The following EGLN1 variants were observed in gnomAD, a reference collection of about 807,000 sequenced individuals.
The protein encoded by EGLN1 is egl nine homolog 1.
Under a neutral mutation model 38.3 loss-of-function variants are expected in EGLN1, and 17 were observed. The ratio of observed to expected loss-of-function variants is 0.44; its 90% CI spans 0.30 to 0.67. EGLN1 has a LOEUF of 0.67. EGLN1 is among the 30% of genes least tolerant of loss of function. The pLI, the probability that EGLN1 is intolerant of heterozygous loss-of-function variation, is 0.08. For missense variants in EGLN1, 477 were observed against 603.3 expected, an observed-to-expected ratio of 0.79 and a Z score of 2.19; for synonymous variants, 283 against 257.5, an observed-to-expected ratio of 1.10 and a Z score of -0.95.
chr1:231,387,236 T>TAC (rs148394377), intron 1 of EGLN1, among the ~76,000 whole-genome samples: 121 of 36,730 alleles, frequency 3.3e-3, no homozygotes, highest in Non-Finnish European at 4.8e-3. Flanking sequence ...TATATATGTA[T>TAC]ACACACACAC....
chr1:231,379,944 C>T (rs1237097797), intron 1 of EGLN1, among the ~76,000 whole-genome samples: 1 of 152,198 alleles, frequency 6.6e-6, no homozygotes, highest in African/African-American at 2.4e-5. Context: ...AGCACACATA[C>T]ACATCACTAT....
At chr1:231,396,754 G>C (rs1024449098) in intron 1 of EGLN1, among the ~76,000 whole-genome samples, 1 of 152,074 alleles carries the variant, frequency 6.6e-6, no homozygotes, top group African/African-American at 2.4e-5. Context: ...GTCTTCCCTG[G>C]CCTTCACATT....
intron 1 of EGLN1, among the ~76,000 whole-genome samples, chr1:231,389,905 G>A (rs1465375351): frequency 6.6e-6 from 1 of 152,168 alleles, no homozygotes; most frequent in African/African-American, 2.4e-5. Context: ...CTGAGATAGC[G>A]CCACTGTACT....
At chr1:231,411,195 C>G (rs1230168470) in intron 1 of EGLN1, among the ~76,000 whole-genome samples, 4 of 152,118 alleles carry the variant, frequency 2.6e-5, no homozygotes, top group Middle Eastern at 3.2e-3. Flanking sequence ...GACAGTTTCC[C>G]TCATGCTGTT....
intron 1 of EGLN1, among the ~76,000 whole-genome samples, chr1:231,385,757 A>G (rs988808048): frequency 3.9e-5 from 6 of 152,254 alleles, no homozygotes; most frequent in African/African-American, 1.4e-4. Flanking sequence ...TTTGTAGTAC[A>G]GCTATAAAGC....
At chr1:231,383,056 TCAAAAAAAAAAAAA>T (rs1688112301) in intron 1 of EGLN1, among the ~76,000 whole-genome samples, 1 of 21,836 alleles carries the variant, frequency 4.6e-5, no homozygotes, top group African/African-American at 1.8e-4. Context: ...AAACTCTGTC[TCAAAAAAAAAAAAA>T]AAAAAAAAAA....
chr1:231,416,508 T>C (rs973324792), intron 1 of EGLN1, among the ~76,000 whole-genome samples: 4 of 151,136 alleles, frequency 2.6e-5, no homozygotes, highest in African/African-American at 7.3e-5. Context: ...CCTGAGACCA[T>C]GGGCTCGCAC....
intron 1 of EGLN1, among the ~76,000 whole-genome samples, chr1:231,407,794 AG>A (rs1688834374): frequency 6.6e-6 from 1 of 152,122 alleles, no homozygotes; most frequent in South Asian, 2.1e-4. Context: ...AGTTAAAAAT[AG>A]TGCAAGCCAT....
At chr1:231,397,287 G>C (rs1305573355) in intron 1 of EGLN1, among the ~76,000 whole-genome samples, 4 of 152,192 alleles carry the variant, frequency 2.6e-5, no homozygotes, top group Non-Finnish European at 5.9e-5. Flanking sequence ...GGCCACTTAT[G>C]TTATTAAAAG....
Position 231,368,727 on chromosome 1 carries a change from T to A in EGLN1, c.1149-1091A>T, listed in dbSNP as rs531981664. Among the ~76,000 whole-genome samples, 533 of 152,274 alleles carry A rather than the reference T, an allele frequency of 3.5e-3. 9 individuals carry two copies. Among genetic ancestry groups the A allele is most frequent in the African/African-American group, 0.012 (486 of 41,552 alleles). ...CATTTATCAGACATACAGCCAGTAA[T>A]ATGACAGAATGAAAAATCACATAAT... On this transcript the variant is annotated intron_variant, in intron 3 of 4. Transcript: ENST00000366641.
chr1:231,374,490 C>T (rs756341277), intron 1 of EGLN1, among the ~76,000 whole-genome samples: 23 of 152,102 alleles, frequency 1.5e-4, no homozygotes, highest in Non-Finnish European at 2.5e-4. Context: ...CCAGTCAACA[C>T]CCCATCTGAC....
intron 1 of EGLN1, among the ~76,000 whole-genome samples, chr1:231,408,075 G>A (rs1366221154): frequency 6.6e-6 from 1 of 152,158 alleles, no homozygotes; most frequent in African/African-American, 2.4e-5. Context: ...AGACAGAATA[G>A]TATAAAACCT....
chr1:231,372,886 GT>G (rs1687863483), intron 2 of EGLN1, among the ~76,000 whole-genome samples: 1 of 152,030 alleles, frequency 6.6e-6, no homozygotes, highest in Admixed American at 6.6e-5. Context: ...AGAGAAAGAG[GT>G]TTTTTAAAGG....
Position 231,372,042 on chromosome 1 carries a change from C to T in EGLN1, c.1012-1344G>A, listed in dbSNP as rs529145158. Among the ~76,000 whole-genome samples, 33 of 152,322 alleles carry T rather than the reference C, an allele frequency of 2.2e-4. 1 individual carries two copies. The East Asian group carries it at 6.4e-3, about 29-fold the overall frequency. On this transcript the variant is annotated intron_variant, in intron 2 of 4. Transcript: ENST00000366641. ...TCCAAACTGAGAACATGTCTTCTTT[C>T]CTTTTTTCCTGCTCCCTTCCCTTTG...
At position 231,421,975 on chromosome 1, in the gene EGLN1, G is replaced by C; in HGVS notation, c.-87C>G. 1 of 1,300,998 alleles carries C rather than the reference G, an allele frequency of 7.7e-7. No individual in the cohort carries two copies. The highest frequency in any genetic ancestry group is 9.7e-7 in the Non-Finnish European group (1 of 1,027,234). 80.6% of individuals were successfully genotyped at this position (1,300,998 alleles called of 1,614,324 possible). The stretch of plus-strand genomic sequence containing the variant: ...GGCCTCGCCCGAGGCTGGGGAGCGG[G>C]GAGAGAGATAGGGGCCGTTACTGCG... On this transcript the variant is annotated 5_prime_UTR_variant, in exon 1 of 5. Coordinates refer to ENST00000366641, the MANE Select transcript of EGLN1 (RefSeq NM_022051.3). This position sits in a 1 kb window ranked among gnomAD's most constrained non-coding sequence, Gnocchi z 5.5.
chr1:231,383,078 A>C (rs1423914295), intron 1 of EGLN1, among the ~76,000 whole-genome samples: 4 of 149,860 alleles, frequency 2.7e-5, no homozygotes, highest in Middle Eastern at 3.2e-3. Context: ...AAAAAAAAAA[A>C]AAAAAAAAGG....
At chr1:231,389,082 AAAAG>A (rs1413611837) in intron 1 of EGLN1, among the ~76,000 whole-genome samples, 9 of 152,254 alleles carry the variant, frequency 5.9e-5, no homozygotes, top group Admixed American at 4.6e-4. Flanking sequence ...TATCACAAAT[AAAAG>A]AAAGAAGATT....
rs140735765 is a variant in EGLN1, at chr1:231,394,997, T to A, written c.892-20898A>T. ...CACCTAGGGATAGTGTTAAAATGCA[T>A]ATTCTGATTCAGGAGGTCTGGAGTG... On this transcript the variant is annotated intron_variant, in intron 1 of 4. Coordinates refer to ENST00000366641, the MANE Select transcript of EGLN1 (RefSeq NM_022051.3). Among the ~76,000 whole-genome samples the A allele has an allele frequency of 1.2e-4, 19 of 152,308 alleles. 1 individual carries two copies. The highest frequency in any genetic ancestry group is 4.6e-4 in the African/African-American group (19 of 41,566).
At chr1:231,374,530 T>TA (rs1403520488) in intron 1 of EGLN1, among the ~76,000 whole-genome samples, 1 of 151,788 alleles carries the variant, frequency 6.6e-6, no homozygotes, top group Non-Finnish European at 1.5e-5. Context: ...AATTTTTTTT[T>TA]TTTTTGAGAC....
Sources: gnomAD v4.1 joint callset for allele counts (sites outside exome capture counted in the v4.1 genomes callset) on GRCh38, gnomAD v4.1.1 for gene constraint, Gnocchi (gnomAD v3.1) non-coding constraint, MANE v1.5 for transcripts, NCBI Gene and HGNC (gene_info 2026-07-23, HGNC 2026-07-21) for gene names.